MOCS1: variants seen among roughly 807,000 people sequenced by gnomAD.
MOCS1 encodes the protein molybdenum cofactor biosynthesis protein 1.
A neutral mutation model predicts 57.6 loss-of-function variants in MOCS1; 39 were observed. That is an observed-to-expected ratio of 0.68 (90% CI 0.52 to 0.88). The LOEUF is 0.88. Ranked by LOEUF, MOCS1 falls within the 40% of genes least tolerant of loss-of-function variation. The pLI is 0.00. For missense variants in MOCS1, 795 were observed against 831.1 expected (o/e 0.96, Z 0.53); for synonymous variants, 334 against 335.7 (o/e 1.00, Z 0.05).
At chr6:39,925,448 C>T (rs570452401) in intron 3 of MOCS1, among the ~76,000 whole-genome samples, 1 of 152,304 alleles carries the variant, frequency 6.6e-6, no homozygotes, top group Non-Finnish European at 1.5e-5. Flanking sequence ...CAGCAAGCTA[C>T]TGAGGTCTGG....
Position 39,904,578 on chromosome 6 carries a change from G to GAAATAAAT in MOCS1, c.*1778_*1779insATTTATTT, listed in dbSNP as rs112997952. On this transcript the variant is annotated 3_prime_UTR_variant, in exon 11 of 11. Transcript: ENST00000340692. Reference sequence around the variant, plus strand: ...TCAGCAGCATTTCTCCCCTGTGATGGAAATAAAGTGTTTAGGGCAGTGGGA... The same window carrying GAAATAAAT: ...TCAGCAGCATTTCTCCCCTGTGATGGAAATAAATAAATAAAGTGTTTAGGGCAGTGGGA... 4 of 454,072 alleles carry GAAATAAAT rather than the reference G, an allele frequency of 8.8e-6. No individual in the cohort carries two copies. In the East Asian group the frequency reaches 2.8e-4, roughly 32 times the overall value. 28.1% of individuals were successfully genotyped at this position (454,072 alleles called of 1,614,324 possible).
At chr6:39,915,889 C>A (rs1488621881) in intron 4 of MOCS1, among the ~76,000 whole-genome samples, 179 bp downstream of exon 4, 1 of 152,142 alleles carries the variant, frequency 6.6e-6, no homozygotes, top group Non-Finnish European at 1.5e-5. Context: ...TAGCGTCTGA[C>A]CCCCAAAGTC....
chr6:39,906,704 C>A lies in MOCS1; in HGVS notation c.1564G>T (p.Val522Phe). 1 of 1,614,202 alleles carries A rather than the reference C, an allele frequency of 6.2e-7. No individual in the cohort carries two copies. The highest frequency in any genetic ancestry group is 8.5e-7 in the Non-Finnish European group (1 of 1,180,046). The change falls in exon 11 of 11, where the codon GTC becomes TTC. Residue 522 changes from valine to phenylalanine, a missense_variant. By Grantham distance (50) the Val-to-Phe change is conservative. Coordinates refer to ENST00000340692, the MANE Select transcript of MOCS1 (RefSeq NM_001358530.2). ...VLLGPVAFKL[V>F]QQNQLKKGDA... ...CCTTTCTTGAGCTGGTTCTGCTGGA[C>A]AAGCTTGAAGGCTACCGGTCCCAGG...
rs752976832 is a variant in MOCS1 at position 39,904,780 on chromosome 6, A to ATAATC, written c.*1572_*1576dup. On this transcript the variant is annotated 3_prime_UTR_variant, in exon 11 of 11. Coordinates refer to ENST00000340692, the MANE Select transcript of MOCS1 (RefSeq NM_001358530.2). Reference sequence around the variant, plus strand: ...CAGATGACAAATGAGGCTAATGGACATAATCTACAGTGTCCTTTTTCACTT... The same window carrying ATAATC: ...CAGATGACAAATGAGGCTAATGGACATAATCTAATCTACAGTGTCCTTTTTCACTT... 4.4e-5 allele frequency: 20 copies of ATAATC among 454,024 alleles called. No homozygotes were observed. The highest frequency in any genetic ancestry group is 2.6e-4 in the South Asian group (17 of 64,472). The allele number at this position is 454,024 out of a possible 1,614,324, so 28.1% of individuals were successfully genotyped here. A position where few individuals can be genotyped will look rare whatever the true frequency, so the allele number is the denominator to read the frequency against.
At chr6:39,916,626 C>T (rs1767675513) in intron 3 of MOCS1, among the ~76,000 whole-genome samples, 1 of 152,192 alleles carries the variant, frequency 6.6e-6, no homozygotes, top group Admixed American at 6.5e-5. Flanking sequence ...TCTTAACAAC[C>T]AAGTACTACA....
chr6:39,912,891 C>T lies in MOCS1; in HGVS notation c.870+1G>A. On this transcript the variant is annotated splice_donor_variant, in intron 7 of 10. Coordinates refer to ENST00000340692, the MANE Select transcript of MOCS1 (RefSeq NM_001358530.2). LOFTEE classifies it high-confidence loss of function. ...TGCCCCACACCCTCCTGCTCCCTAACCTTGGCTGTGCTGGATTCCTCCTCT... is the reference window on the plus strand; with the variant it reads ...TGCCCCACACCCTCCTGCTCCCTAATCTTGGCTGTGCTGGATTCCTCCTCT... 1.2e-6 allele frequency: 2 copies of T among 1,613,772 alleles called. No homozygotes were observed. Among genetic ancestry groups the T allele is most frequent in the African/African-American group, 1.3e-5 (1 of 75,038 alleles).
chr6:39,927,804 C>A, intron 1 of MOCS1: 1 of 1,348,066 alleles, frequency 7.4e-7, no homozygotes, highest in East Asian at 2.9e-5. Flanking sequence ...GATTGTGCAC[C>A]CATGGTCTCG....
chr6:39,927,491 T>G, intron 1 of MOCS1, 36 bp from the exon 2 acceptor site: 1 of 1,609,912 alleles, frequency 6.2e-7, no homozygotes, highest in Non-Finnish European at 8.5e-7. Flanking sequence ...CATGGGCCCC[T>G]GCTACCGGGC....
In MOCS1 at chr6:39,934,426, A is replaced by T; in HGVS notation, c.-9T>A. ...AGTGGCCGCGCCGCCATGAAGCCTG[A>T]TACGAGCGGAACCGCAGCCCGCTTC... On this transcript the variant is annotated 5_prime_UTR_variant, in exon 1 of 11. Coordinates refer to ENST00000340692, the MANE Select transcript of MOCS1 (RefSeq NM_001358530.2). 1 of 1,566,854 alleles carries T rather than the reference A, an allele frequency of 6.4e-7. No homozygotes were observed. Among genetic ancestry groups the T allele is most frequent in the Non-Finnish European group, 8.6e-7 (1 of 1,162,430 alleles).
chr6:39,904,837 T>TA lies in MOCS1; in HGVS notation c.*1519dup. 1 of 454,082 alleles carries TA rather than the reference T, an allele frequency of 2.2e-6. No homozygotes were observed. Among genetic ancestry groups the TA allele is most frequent in the Non-Finnish European group, 4.4e-6 (1 of 226,798 alleles). 28.1% of individuals were successfully genotyped at this position (454,082 alleles called of 1,614,324 possible). ...TTTTTATAAGAATATATTGTAATACTAAAAAATATTAAATTCATACCATCC... is the reference window on the plus strand; with the variant it reads ...TTTTTATAAGAATATATTGTAATACTAAAAAAATATTAAATTCATACCATCC... On this transcript the variant is annotated 3_prime_UTR_variant, in exon 11 of 11. Transcript: ENST00000340692.
intron 1 of MOCS1, among the ~76,000 whole-genome samples, chr6:39,927,940 C>T (rs1768431232): frequency 6.6e-6 from 1 of 152,098 alleles, no homozygotes; most frequent in African/African-American, 2.4e-5. Context: ...TCCGTCTCCC[C>T]CTGACCTATC....
chr6:39,924,027 C>G (rs747894859), intron 3 of MOCS1, among the ~76,000 whole-genome samples: 58 of 152,182 alleles, frequency 3.8e-4, no homozygotes, highest in Non-Finnish European at 1.3e-4. Flanking sequence ...GAACATGGAA[C>G]CTCATAGCCC....
At chr6:39,930,063 C>A (rs1210568287) in intron 1 of MOCS1, among the ~76,000 whole-genome samples, 1 of 152,084 alleles carries the variant, frequency 6.6e-6, no homozygotes, top group East Asian at 1.9e-4. Context: ...CTGCACCACC[C>A]GTTCTGAACC....
At chr6:39,920,334 G>T (rs567949957) in intron 3 of MOCS1, among the ~76,000 whole-genome samples, 2 of 152,254 alleles carry the variant, frequency 1.3e-5, no homozygotes, top group East Asian at 3.9e-4. Flanking sequence ...AAGTGTATTT[G>T]GCACAACCAT....
rs11969206 is a variant in MOCS1, at chr6:39,906,913, C to T, written c.1355G>A (p.Arg452His). ...CTTTGAGTTGGCATCTGAGTCTGCA[C>T]GGGAAGTGTAGTGTCTCTGAAAGGA... ...SGSFQRHYTS[R>H]ADSDANSKCL... The change falls in exon 11 of 11, where the codon CGT becomes CAT. Residue 452 changes from arginine to histidine, a missense_variant. Arg to His is a conservative substitution (Grantham distance 29, BLOSUM62 0). Coordinates refer to ENST00000340692, the MANE Select transcript of MOCS1 (RefSeq NM_001358530.2). The T allele has an allele frequency of 2.1e-5, 34 of 1,613,972 alleles. No individual in the cohort carries two copies. Among genetic ancestry groups the T allele is most frequent in the Non-Finnish European group, 2.6e-5 (31 of 1,180,036 alleles).
At chr6:39,916,834 C>A (rs1156340897) in intron 3 of MOCS1, among the ~76,000 whole-genome samples, 1 of 152,172 alleles carries the variant, frequency 6.6e-6, no homozygotes, top group East Asian at 1.9e-4. Flanking sequence ...ATGGAACCGA[C>A]CAGACGGATA....
At position 39,906,228 on chromosome 6, in the gene MOCS1, C is replaced by T; in HGVS notation, c.*129G>A. 1.7e-6 allele frequency: 2 copies of T among 1,167,588 alleles called. No homozygotes were observed. Among genetic ancestry groups the T allele is most frequent in the African/African-American group, 1.5e-5 (1 of 66,376 alleles). The allele number at this position is 1,167,588 out of a possible 1,614,324, so 72.3% of individuals were successfully genotyped here. A position where few individuals can be genotyped will look rare whatever the true frequency, so the allele number is the denominator to read the frequency against. ...GCCTGTTTGTTAGTAGTAGAGCAGG[C>T]TGACTTCGGGTTTACTGCTCAAGGT... On this transcript the variant is annotated 3_prime_UTR_variant, in exon 11 of 11. Coordinates refer to ENST00000340692, the MANE Select transcript of MOCS1 (RefSeq NM_001358530.2).
At chr6:39,928,072 C>T (rs185771146) in intron 1 of MOCS1, among the ~76,000 whole-genome samples, 1 of 152,256 alleles carries the variant, frequency 6.6e-6, no homozygotes, top group Admixed American at 6.5e-5. Flanking sequence ...CCCACACCCA[C>T]TCCACAAGGG....
At chr6:39,909,445 C>T (rs1767182205) in intron 9 of MOCS1, among the ~76,000 whole-genome samples, 1 of 152,034 alleles carries the variant, frequency 6.6e-6, no homozygotes, top group Non-Finnish European at 1.5e-5. Context: ...ACAAAAGGCC[C>T]CCACATGTGC....
Sources: allele counts gnomAD v4.1 joint callset (sites outside exome capture counted in the v4.1 genomes callset), GRCh38; gene constraint gnomAD v4.1.1; transcripts MANE v1.5; gene names NCBI Gene and HGNC (gene_info 2026-07-23, HGNC 2026-07-21).